Variants in PTH2R observed in about 807,000 individuals in gnomAD.
The protein encoded by PTH2R is parathyroid hormone 2 receptor.
In PTH2R, 59 loss-of-function variants were observed where a neutral mutation model predicts 60.3. The ratio of observed to expected loss-of-function variants is 0.98; its 90% confidence interval spans 0.79 to 1.22. The LOEUF is 1.22. Among genes scored for constraint, PTH2R ranks in the 50% most tolerant of loss-of-function variants. The pLI is 0.00. For missense variants in PTH2R, 749 were observed against 682.6 expected, an observed-to-expected ratio of 1.10 and a Z score of -1.08; for synonymous variants, 256 against 243.8, an observed-to-expected ratio of 1.05 and a Z score of -0.47.
intron 1 of PTH2R, among the ~76,000 whole-genome samples, chr2:208,401,732 C>T (rs980043165): frequency 4.0e-4 from 61 of 152,252 alleles, no homozygotes; most frequent in African/African-American, 1.4e-3. Context: ...CCCTTCTTCA[C>T]GCTCAGTTCT....
intron 1 of PTH2R, among the ~76,000 whole-genome samples, chr2:208,386,224 C>T (rs572069759): frequency 1.1e-3 from 174 of 152,294 alleles, no homozygotes; most frequent in Non-Finnish European, 2.0e-3. Context: ...GGAGACATCT[C>T]ACATAACTCT....
At chr2:208,388,032 G>A (rs566388760) in intron 1 of PTH2R, among the ~76,000 whole-genome samples, 46 of 152,020 alleles carry the variant, frequency 3.0e-4, no homozygotes, top group African/African-American at 1.0e-3. Context: ...CACTTCAGCC[G>A]GGCGCGGTGG....
At position 208,437,595 on chromosome 2, in the gene PTH2R, G is replaced by C; in HGVS notation, c.237G>C (p.Gly79=). 1 of 1,613,730 alleles carries C rather than the reference G, an allele frequency of 6.2e-7. No individual in the cohort carries two copies. The highest frequency in any genetic ancestry group is 8.5e-7 in the Non-Finnish European group (1 of 1,179,810). Residue 79 remains glycine (G), a synonymous_variant, in exon 3 of 13, where the codon GGG becomes GGC. Transcript: ENST00000272847. ...TTTGTTGGCCCAGAGGAACAGTGGG[G>C]AAAATATCGGCTGTTCCATGCCCTC... ...GLICWPRGTV[G]KISAVPCPPY...
At chr2:208,430,729 T>G (rs1323952088) in intron 2 of PTH2R, among the ~76,000 whole-genome samples, 1 of 151,858 alleles carries the variant, frequency 6.6e-6, no homozygotes, top group African/African-American at 2.4e-5. Context: ...TTGTATTTTT[T>G]GTTTTTTGTA....
chr2:208,365,041 T>A (rs1451242975), intron 1 of PTH2R, among the ~76,000 whole-genome samples: 1 of 150,398 alleles, frequency 6.6e-6, no homozygotes, highest in African/African-American at 2.5e-5. Flanking sequence ...AATTTTTAAA[T>A]TTGTTCTAAC....
At chr2:208,391,263 AG>A (rs1302149974) in intron 1 of PTH2R, among the ~76,000 whole-genome samples, 2 of 152,250 alleles carry the variant, frequency 1.3e-5, no homozygotes, top group Non-Finnish European at 2.9e-5. Flanking sequence ...TGGTAAGGAA[AG>A]GCCATCCATA....
In PTH2R at chr2:208,485,448, T is replaced by C. The variant is rs187711417; in HGVS notation, c.1077-3564T>C. Reference sequence around the variant, plus strand: ...AGAGCCAGGGTATAAAAACGTACAATGTGCATGGGTGGCCATATGGACGCT... The same window carrying C: ...AGAGCCAGGGTATAAAAACGTACAACGTGCATGGGTGGCCATATGGACGCT... On this transcript the variant is annotated intron_variant, in intron 10 of 12. Coordinates refer to ENST00000272847, the MANE Select transcript of PTH2R (RefSeq NM_005048.4). Among the ~76,000 whole-genome samples the C allele has an allele frequency of 3.3e-3, 510 of 152,250 alleles. 4 individuals carry two copies. Among genetic ancestry groups the C allele is most frequent in the Non-Finnish European group, 2.2e-3 (147 of 68,008 alleles).
chr2:208,481,122 G>T lies in PTH2R; in HGVS notation c.1034G>T (p.Trp345Leu), dbSNP rs151296979. The T allele has an allele frequency of 1.5e-4, 241 of 1,612,256 alleles. No individual in the cohort carries two copies. The highest frequency in any genetic ancestry group is 3.0e-4 in the Admixed American group (18 of 59,972). Residue 345 changes from tryptophan to leucine, a missense_variant, in exon 10 of 13, where the codon TGG becomes TTG. By Grantham distance (61) the Trp-to-Leu change is moderately conservative. Transcript: ENST00000272847. ...NTVRVLATKI[W>L]ETNAVGHDTR... ...GTTAGAGTTCTAGCTACCAAAATCT[G>T]GGAGACCAATGCAGTTGGGCATGAC...
chr2:208,490,801 C>A, intron 12 of PTH2R, 121 bp downstream of exon 12: 1 of 857,472 alleles, frequency 1.2e-6, no homozygotes, highest in Non-Finnish European at 1.7e-6. Flanking sequence ...GAGAAGGAAG[C>A]TATTTTAATC....
At position 208,399,160 on chromosome 2, in the gene PTH2R, A is replaced by G. The variant is rs528963428; in HGVS notation, c.-258-29041A>G. On this transcript the variant is annotated intron_variant, in intron 1 of 12. Coordinates refer to the PTH2R transcript ENST00000617735. ...CTAAGTTTATTTATACACACAATCA[A>G]GATGTGTGCTCCTAAAAACATTTTA... is the stretch of plus-strand genomic sequence containing the variant. 2.7e-4 allele frequency among the ~76,000 whole-genome samples: 41 copies of G among 152,310 alleles called. 1 individual carries two copies. Among genetic ancestry groups the G allele is most frequent in the African/African-American group, 8.9e-4 (37 of 41,566 alleles).
chr2:208,449,737 A>T (rs1200219141), intron 7 of PTH2R, among the ~76,000 whole-genome samples: 1 of 152,096 alleles, frequency 6.6e-6, no homozygotes, highest in African/African-American at 2.4e-5. Flanking sequence ...TTCTAAGCCT[A>T]TTTCTTTGTT....
intron 9 of PTH2R, among the ~76,000 whole-genome samples, chr2:208,479,719 A>G (rs1703101514): frequency 6.6e-6 from 1 of 152,184 alleles, no homozygotes; most frequent in African/African-American, 2.4e-5. Flanking sequence ...AACAGAAGGT[A>G]TCAGATGGTG....
chr2:208,407,187 G>A (rs1701433236), intron 1 of PTH2R, 69 bp downstream of exon 1: 1 of 1,320,336 alleles, frequency 7.6e-7, no homozygotes, highest in Non-Finnish European at 1.0e-6. Context: ...TTAGCGACAC[G>A]GAGGCCAGGT....
Position 208,443,355 on chromosome 2 carries a change from C to G in PTH2R, c.517C>G (p.His173Asp). 6.4e-7 allele frequency: 1 copy of G among 1,561,786 alleles called. No individual in the cohort carries two copies. The change falls in exon 6 of 13, where the codon CAT (histidine) becomes GAT (aspartate). Residue 173 changes from histidine (H) to aspartate (D), a missense_variant. By Grantham distance (81) the His-to-Asp change is moderately conservative. Transcript: ENST00000272847. ...GAATATTTCTCTCCGTAGACGATTG[C>G]ATTGCACTAGGAACTATATCCACAT... Reference protein sequence around the residue: ...ILIIGYFRRLHCTRNYIHMHL... With the variant: ...ILIIGYFRRLDCTRNYIHMHL...
intron 1 of PTH2R, among the ~76,000 whole-genome samples, chr2:208,374,529 G>A (rs1700758169): frequency 6.6e-6 from 1 of 152,068 alleles, no homozygotes; most frequent in South Asian, 2.1e-4. Context: ...TTGAGATGGA[G>A]TTTCATTCTT....
intron 1 of PTH2R, among the ~76,000 whole-genome samples, chr2:208,361,772 T>A (rs185058100): frequency 0.037 from 5,621 of 151,832 alleles, 318 homozygotes; most frequent in African/African-American, 0.13. Context: ...TTTTTTTTTT[T>A]TAAAAAAAAG....
At chr2:208,361,589 C>T (rs1700474792) in intron 1 of PTH2R, among the ~76,000 whole-genome samples, 1 of 152,170 alleles carries the variant, frequency 6.6e-6, no homozygotes, top group Non-Finnish European at 1.5e-5. Context: ...AATAACTCCT[C>T]TTTCCCCCTA....
chr2:208,414,510 G>A (rs1010798252), intron 1 of PTH2R, among the ~76,000 whole-genome samples: 15 of 150,786 alleles, frequency 9.9e-5, no homozygotes, highest in African/African-American at 3.7e-4. Context: ...TTCTTTTTCT[G>A]TTTATCTTTT....
intron 8 of PTH2R, among the ~76,000 whole-genome samples, chr2:208,453,895 T>C (rs996080056): frequency 6.6e-6 from 1 of 152,226 alleles, no homozygotes; most frequent in African/African-American, 2.4e-5. Flanking sequence ...GTTACCTTCA[T>C]TGTGCGTAAA....
Sources: gnomAD v4.1 joint callset for allele counts (sites outside exome capture counted in the v4.1 genomes callset) on GRCh38, gnomAD v4.1.1 for gene constraint, MANE v1.5 for transcripts, NCBI Gene and HGNC (gene_info 2026-07-23, HGNC 2026-07-21) for gene names.